Variants in SORCS2 observed in about 807,000 individuals in gnomAD.
SORCS2 encodes the protein VPS10 domain-containing receptor SorCS2.
In SORCS2, 100 loss-of-function variants were observed where a neutral mutation model predicts 141.6. That is an observed-to-expected ratio of 0.71 (90% CI 0.60 to 0.83). The LOEUF (loss-of-function observed/expected upper bound fraction) is 0.83. Among genes scored for constraint, SORCS2 ranks in the 40% least tolerant of loss-of-function variants. SORCS2 has a pLI of 0.00. For missense variants in SORCS2, 1,646 were observed against 1,560.2 expected, an observed-to-expected ratio of 1.05 and a Z score of -0.93; for synonymous variants, 789 against 676.9, an observed-to-expected ratio of 1.17 and a Z score of -2.57.
At chr4:7,573,522 T>A (rs1001490556) in intron 3 of SORCS2, among the ~76,000 whole-genome samples, 4 of 152,206 alleles carry the variant, frequency 2.6e-5, no homozygotes, top group Non-Finnish European at 5.9e-5. Flanking sequence ...GTTTGTTTCT[T>A]GTTTTTTGTT....
In SORCS2 at chr4:7,553,310, G is replaced by A. The variant is rs576415767; in HGVS notation, c.648+21681G>A. Among the ~76,000 whole-genome samples, 22 of 151,634 alleles carry A rather than the reference G, an allele frequency of 1.5e-4. No homozygotes were observed. In the South Asian group the frequency reaches 4.6e-3, roughly 32 times the overall value. ...GATTTTTTTTCTTTAATTATGAGAG[G>A]GGGGAAAAAAAACCATGTAATTTTT... On this transcript the variant is annotated intron_variant, in intron 3 of 26. Coordinates refer to ENST00000507866, the MANE Select transcript of SORCS2 (RefSeq NM_020777.3).
intron 18 of SORCS2, among the ~76,000 whole-genome samples, chr4:7,722,401 G>A (rs1726651758): frequency 2.0e-5 from 3 of 152,126 alleles, no homozygotes; most frequent in Admixed American, 1.3e-4. Context: ...TGGGGAGAAC[G>A]GAGCACCCTG....
At chr4:7,394,942 G>A (rs1156735961) in intron 1 of SORCS2, among the ~76,000 whole-genome samples, 1 of 143,638 alleles carries the variant, frequency 7.0e-6, no homozygotes, top group Non-Finnish European at 1.5e-5. Context: ...AATCCCCTCT[G>A]GGAACAGCGT....
At chr4:7,384,714 G>A (rs754439692) in intron 1 of SORCS2, among the ~76,000 whole-genome samples, 4 of 152,120 alleles carry the variant, frequency 2.6e-5, no homozygotes, top group African/African-American at 7.2e-5. Context: ...ACACTGTGCC[G>A]GTTGCTCCCT....
intron 1 of SORCS2, among the ~76,000 whole-genome samples, chr4:7,360,093 C>T (rs1187651839): frequency 1.3e-5 from 2 of 152,104 alleles, no homozygotes; most frequent in Non-Finnish European, 2.9e-5. Flanking sequence ...AACGAAGGCC[C>T]CTGAGGCAGA....
intron 2 of SORCS2, among the ~76,000 whole-genome samples, chr4:7,509,018 C>T (rs1352148822): frequency 3.9e-5 from 6 of 152,204 alleles, no homozygotes; most frequent in South Asian, 2.1e-4. Context: ...GTCACGCTGC[C>T]TCGGCACGGC....
At chr4:7,380,040 G>C (rs2109065808) in intron 1 of SORCS2, among the ~76,000 whole-genome samples, 1 of 152,282 alleles carries the variant, frequency 6.6e-6, no homozygotes, top group East Asian at 1.9e-4. Context: ...AGAGCCACGG[G>C]TCACCAAAGG....
chr4:7,358,614 T>G (rs192904010), intron 1 of SORCS2, among the ~76,000 whole-genome samples: 14 of 152,342 alleles, frequency 9.2e-5, no homozygotes, highest in African/African-American at 3.1e-4. Flanking sequence ...ACTCGTGTCC[T>G]CTAAGTAGCG....
intron 1 of SORCS2, among the ~76,000 whole-genome samples, chr4:7,282,845 G>A (rs976700424): frequency 2.0e-5 from 3 of 152,188 alleles, no homozygotes; most frequent in African/African-American, 2.4e-5. Flanking sequence ...ATCAGCAAAC[G>A]CCACCCACTA....
intron 1 of SORCS2, among the ~76,000 whole-genome samples, chr4:7,288,329 C>T (rs1327457161): frequency 6.6e-6 from 1 of 151,918 alleles, no homozygotes; most frequent in Non-Finnish European, 1.5e-5. Context: ...CGGTGAACTT[C>T]TTTTGTTTTG....
At chr4:7,670,501 T>C (rs1722734308) in intron 8 of SORCS2, among the ~76,000 whole-genome samples, 1 of 152,188 alleles carries the variant, frequency 6.6e-6, no homozygotes, top group Admixed American at 6.5e-5. Flanking sequence ...AAATAAAATT[T>C]CTAAGCCGTA....
intron 2 of SORCS2, among the ~76,000 whole-genome samples, chr4:7,422,904 C>T (rs1231296226): frequency 2.6e-5 from 4 of 152,208 alleles, no homozygotes; most frequent in African/African-American, 9.7e-5. Context: ...CTCCAGGGCA[C>T]CCCGCGGGGA....
intron 1 of SORCS2, among the ~76,000 whole-genome samples, chr4:7,312,164 C>A (rs925754854): frequency 1.3e-5 from 2 of 152,184 alleles, no homozygotes; most frequent in African/African-American, 4.8e-5. Flanking sequence ...CATGAGCCAC[C>A]GCACCCAGCC....
At chr4:7,618,817 T>G (rs957587134) in intron 3 of SORCS2, among the ~76,000 whole-genome samples, 1 of 143,760 alleles carries the variant, frequency 7.0e-6, no homozygotes, top group Non-Finnish European at 1.5e-5. Context: ...CTTTTACTTA[T>G]TGTCTGAGCC....
intron 1 of SORCS2, among the ~76,000 whole-genome samples, chr4:7,337,563 G>A (rs758687326): frequency 1.3e-5 from 2 of 152,162 alleles, no homozygotes; most frequent in African/African-American, 2.4e-5. Context: ...GAGGTCAGGT[G>A]GCTGACAAGA....
At chr4:7,421,882 C>T (rs1026409311) in intron 2 of SORCS2, among the ~76,000 whole-genome samples, 5 of 126,608 alleles carry the variant, frequency 3.9e-5, no homozygotes, top group East Asian at 5.5e-4. Flanking sequence ...GGGGCTGGGG[C>T]GGGCTTGCAG....
chr4:7,631,938 C>T (rs971639989), intron 3 of SORCS2, among the ~76,000 whole-genome samples: 2 of 152,226 alleles, frequency 1.3e-5, no homozygotes, highest in African/African-American at 2.4e-5. Flanking sequence ...TGTTAGCCAG[C>T]TGCCTTCTGG....
chr4:7,592,116 C>T (rs1716958494), intron 3 of SORCS2, among the ~76,000 whole-genome samples: 1 of 152,206 alleles, frequency 6.6e-6, no homozygotes, highest in Admixed American at 6.5e-5. Context: ...AAAAGATACG[C>T]TTCGAGTTTG....
Position 7,419,127 on chromosome 4 carries a change from G to C in SORCS2, c.548+22772G>C, listed in dbSNP as rs76117917. On this transcript the variant is annotated intron_variant, in intron 2 of 26. Transcript: ENST00000507866. ...AAATAACTCCACTTATTAAAGGAAGGACCTTTGCAAATGGGTGTGGATACA... is the reference window on the plus strand; with the variant it reads ...AAATAACTCCACTTATTAAAGGAAGCACCTTTGCAAATGGGTGTGGATACA... 7.3e-3 allele frequency among the ~76,000 whole-genome samples: 1,112 copies of C among 152,322 alleles called. 19 individuals are homozygous for C. Among genetic ancestry groups the C allele is most frequent in the African/African-American group, 0.026 (1,064 of 41,566 alleles).
Sources: allele counts gnomAD v4.1 joint callset (sites outside exome capture counted in the v4.1 genomes callset), GRCh38; gene constraint gnomAD v4.1.1; transcripts MANE v1.5; gene names NCBI Gene and HGNC (gene_info 2026-07-23, HGNC 2026-07-21).